The following GPR26 variants were observed in gnomAD, a reference collection of about 807,000 sequenced individuals.
The protein encoded by GPR26 is G protein-coupled receptor 26.
A neutral mutation model predicts 23.1 loss-of-function variants in GPR26; 15 were observed. The observed-to-expected ratio is 0.65, with a 90% CI of 0.43 to 1.00. The LOEUF is 1.00. Among genes scored for constraint, GPR26 ranks in the 50% least tolerant of loss-of-function variants. The pLI, the probability that GPR26 is intolerant of heterozygous loss-of-function variation, is 0.00. For missense variants in GPR26, 359 were observed against 470.5 expected (o/e 0.76, Z 2.19); for synonymous variants, 228 against 222.1 (o/e 1.03, Z -0.24).
intron 2 of GPR26, among the ~76,000 whole-genome samples, chr10:123,675,585 G>T (rs1316983627): frequency 6.6e-6 from 1 of 152,114 alleles, no homozygotes; most frequent in East Asian, 1.9e-4. Flanking sequence ...TCTAACTGGA[G>T]CACTCCCCAC....
chr10:123,681,916 C>T (rs932608014), intron 2 of GPR26, among the ~76,000 whole-genome samples: 1 of 152,142 alleles, frequency 6.6e-6, no homozygotes, highest in Non-Finnish European at 1.5e-5. Context: ...TGCTAGAATC[C>T]TGGTCTCACA....
rs1419158632 is a variant in GPR26 at position 123,696,554 on chromosome 10, T to G, written c.*8394T>G. Among the ~76,000 whole-genome samples, 3 of 152,172 alleles carry G rather than the reference T, an allele frequency of 2.0e-5. No homozygotes were observed. Among genetic ancestry groups the G allele is most frequent in the African/African-American group, 7.2e-5 (3 of 41,432 alleles). ...TTCAATATGGAAATGCACTTTATATTTATTTGCACACATCAAGAATACTTT... is the reference window on the plus strand; with the variant it reads ...TTCAATATGGAAATGCACTTTATATGTATTTGCACACATCAAGAATACTTT... On this transcript the variant is annotated 3_prime_UTR_variant, in exon 3 of 3. Coordinates refer to ENST00000284674, the MANE Select transcript of GPR26 (RefSeq NM_153442.4).
chr10:123,680,589 C>T (rs1409415464), intron 2 of GPR26, among the ~76,000 whole-genome samples: 1 of 152,216 alleles, frequency 6.6e-6, no homozygotes. Flanking sequence ...TTCTCAGCCT[C>T]CTCACTGTCC....
rs1031019157 is a variant in GPR26, at chr10:123,674,751, A to C, written c.669-67A>C. The C allele has an allele frequency of 2.9e-5, 29 of 1,000,670 alleles. No homozygotes were observed. The African/African-American group carries it at 4.3e-4, about 15-fold the overall frequency. The allele number at this position is 1,000,670 out of a possible 1,614,324, so 62.0% of individuals were successfully genotyped here. ...CTAGAGACTGCTGCCTGTGTTAGTA[A>C]ATAGTGCCTCATCCTGACCTAGCAA... On this transcript the variant is annotated intron_variant, in intron 1 of 2. Transcript: ENST00000284674. This position sits in a 1 kb window ranked among gnomAD's most constrained non-coding sequence, Gnocchi z 4.1.
At chr10:123,684,334 G>A (rs547798502) in intron 2 of GPR26, among the ~76,000 whole-genome samples, 83 of 152,250 alleles carry the variant, frequency 5.5e-4, no homozygotes, top group Non-Finnish European at 8.7e-4. Context: ...TGGCATACAC[G>A]TGCTCTAGGA....
In GPR26 at chr10:123,693,926, A is replaced by C. The variant is rs192153397; in HGVS notation, c.*5766A>C. On this transcript the variant is annotated 3_prime_UTR_variant, in exon 3 of 3. Transcript: ENST00000284674. ...ACGACATCACTGTGCAGAAGAAGAG[A>C]TCTGTCAGGGGTCCAGAGGAGCGGA... is the stretch of plus-strand genomic sequence containing the variant. 1 of 148,490 alleles carries C rather than the reference A, an allele frequency of 6.7e-6. No homozygotes were observed. The highest frequency in any genetic ancestry group is 6.7e-5 in the Admixed American group (1 of 14,916). The allele number at this position is 148,490 out of a possible 1,614,324, so 9.2% of individuals were successfully genotyped here.
intron 1 of GPR26, among the ~76,000 whole-genome samples, chr10:123,671,556 G>T (rs993619386): frequency 6.6e-6 from 1 of 152,166 alleles, no homozygotes; most frequent in Non-Finnish European, 1.5e-5. Flanking sequence ...ACACATGCTC[G>T]CACTCTGACT....
intron 2 of GPR26, among the ~76,000 whole-genome samples, chr10:123,686,444 C>G (rs1845430971): frequency 6.6e-6 from 1 of 152,176 alleles, no homozygotes. Context: ...CCACAGTCCC[C>G]CACAGGGTCA....
At position 123,674,164 on chromosome 10, in the gene GPR26, G is replaced by T. The variant is rs1219807; in HGVS notation, c.669-654G>T. On this transcript the variant is annotated intron_variant, in intron 1 of 2. Coordinates refer to ENST00000284674, the MANE Select transcript of GPR26 (RefSeq NM_153442.4). The surrounding 1 kb of genome is among the most constrained non-coding windows in gnomAD (Gnocchi z 4.1). Reference sequence around the variant, plus strand: ...GTACAGGCGAGGTTTCACCACGTTGGCCAGGCTGGTCTCAAACTCCCGACC... The same window carrying T: ...GTACAGGCGAGGTTTCACCACGTTGTCCAGGCTGGTCTCAAACTCCCGACC... Among the ~76,000 whole-genome samples the T allele has an allele frequency of 0.19, 28,209 of 152,006 alleles. 3,344 individuals carry two copies. The highest frequency in any genetic ancestry group is 0.58 in the East Asian group (2,976 of 5,138).
rs1235404607 is a variant in GPR26 at position 123,696,939 on chromosome 10, T to G, written c.*8779T>G. 6.6e-6 allele frequency among the ~76,000 whole-genome samples: 1 copy of G among 151,756 alleles called. No individual in the cohort carries two copies. Among genetic ancestry groups the G allele is most frequent in the Non-Finnish European group, 1.5e-5 (1 of 67,942 alleles). ...TGAGTATATGCATATGGGTATATGT[T>G]TGTGTGCCCGTGATTATATGCATAT... On this transcript the variant is annotated 3_prime_UTR_variant, in exon 3 of 3. Coordinates refer to ENST00000284674, the MANE Select transcript of GPR26 (RefSeq NM_153442.4).
At chr10:123,673,019 C>A (rs1430787254) in intron 1 of GPR26, among the ~76,000 whole-genome samples, 1 of 152,142 alleles carries the variant, frequency 6.6e-6, no homozygotes, top group African/African-American at 2.4e-5. Flanking sequence ...TCTAGCATGG[C>A]ACACATATTA....
Position 123,689,541 on chromosome 10 carries a change from CTAAG to C in GPR26, c.*1383_*1386del, listed in dbSNP as rs1320048638. On this transcript the variant is annotated 3_prime_UTR_variant, in exon 3 of 3. Coordinates refer to ENST00000284674, the MANE Select transcript of GPR26 (RefSeq NM_153442.4). Reference sequence around the variant, plus strand: ...AGCAGTTATTTTTCAATCCTCCACTCTAAGTGATTCCTCCAGGGTGGGAAGCACG... The same window carrying C: ...AGCAGTTATTTTTCAATCCTCCACTCTGATTCCTCCAGGGTGGGAAGCACG... 1 of 152,208 alleles carries C rather than the reference CTAAG, an allele frequency of 6.6e-6. No homozygotes were observed. Among genetic ancestry groups the C allele is most frequent in the Admixed American group, 6.5e-5 (1 of 15,276 alleles). 9.4% of individuals were successfully genotyped at this position (152,208 alleles called of 1,614,324 possible). A position where few individuals can be genotyped will look rare whatever the true frequency, so the allele number is the denominator to read the frequency against.
chr10:123,687,190 A>G (rs1475836414), intron 2 of GPR26, among the ~76,000 whole-genome samples: 1 of 151,938 alleles, frequency 6.6e-6, no homozygotes, highest in East Asian at 1.9e-4. Context: ...GACCGCGGCT[A>G]TTGTCAAAGA....
intron 2 of GPR26, among the ~76,000 whole-genome samples, chr10:123,675,857 A>AGTGTGTGTGTGT (rs1564731138): frequency 1.3e-3 from 61 of 45,640 alleles, no homozygotes; most frequent in African/African-American, 3.9e-3. Flanking sequence ...TGTGTGTGTA[A>AGTGTGTGTGTGT]GAGAGAGAGA....
At chr10:123,669,214 C>T (rs1404338817) in intron 1 of GPR26, among the ~76,000 whole-genome samples, 3 of 152,236 alleles carry the variant, frequency 2.0e-5, no homozygotes, top group Non-Finnish European at 4.4e-5. Flanking sequence ...TGGACTAATG[C>T]TCCCTGAGGT....
chr10:123,669,340 C>T (rs753550784), intron 1 of GPR26, among the ~76,000 whole-genome samples: 3 of 152,210 alleles, frequency 2.0e-5, no homozygotes, highest in Non-Finnish European at 4.4e-5. Context: ...AGGGGATGAC[C>T]AGTCCTCAAG....
Position 123,674,839 on chromosome 10 carries a change from G to T in GPR26, c.690G>T (p.Glu230Asp). Residue 230 changes from glutamate to aspartate, a missense_variant, in exon 2 of 3, where the codon GAG becomes GAT. Coordinates refer to ENST00000284674, the MANE Select transcript of GPR26 (RefSeq NM_153442.4). This position sits in a 1 kb window ranked among gnomAD's most constrained non-coding sequence, Gnocchi z 4.1. ...LHPSVRERCLEEQKRRRQRAT... is the reference protein window; with the variant it reads ...LHPSVRERCLDEQKRRRQRAT... Reference sequence around the variant, plus strand: ...GCAGTGTGCGGGAACGCTGTCTGGAGGAGCAGAAGCGGAGGCGACAGCGAG... The same window carrying T: ...GCAGTGTGCGGGAACGCTGTCTGGATGAGCAGAAGCGGAGGCGACAGCGAG... The T allele has an allele frequency of 6.2e-7, 1 of 1,613,346 alleles. No individual in the cohort carries two copies. Among genetic ancestry groups the T allele is most frequent in the Non-Finnish European group, 8.5e-7 (1 of 1,179,634 alleles).
At position 123,680,820 on chromosome 10, in the gene GPR26, G is replaced by C. The variant is rs200758643; in HGVS notation, c.782+5889G>C. Reference sequence around the variant, plus strand: ...TCTTGGGTTTTTTTTGTTTTGTTTTGTTTTTTTGGGGGGGGGGGTTGTTTT... The same window carrying C: ...TCTTGGGTTTTTTTTGTTTTGTTTTCTTTTTTTGGGGGGGGGGGTTGTTTT... On this transcript the variant is annotated intron_variant, in intron 2 of 2. Coordinates refer to ENST00000284674, the MANE Select transcript of GPR26 (RefSeq NM_153442.4). Among the ~76,000 whole-genome samples the C allele has an allele frequency of 2.9e-3, 96 of 33,396 alleles. 1 individual carries two copies. The highest frequency in any genetic ancestry group is 0.01 in the Admixed American group (26 of 2,520). 21.9% of individuals were successfully genotyped at this position (33,396 alleles called of 152,430 possible). A position where few individuals can be genotyped will look rare whatever the true frequency, so the allele number is the denominator to read the frequency against.
At position 123,666,530 on chromosome 10, in the gene GPR26, G is replaced by T; in HGVS notation, c.123G>T (p.Pro41=). The T allele has an allele frequency of 6.3e-7, 1 of 1,587,572 alleles. No individual in the cohort carries two copies. Residue 41 remains proline, a synonymous_variant, in exon 1 of 3, where the codon CCG becomes CCT. Transcript: ENST00000284674. ...LHSADIRRQA[P]ALFTLNLTCG... ...GCGCGGACATCCGCCGCCAGGCGCC[G>T]GCGCTCTTCACCCTGAACCTCACGT...
Sources: gnomAD v4.1 joint callset for allele counts (sites outside exome capture counted in the v4.1 genomes callset) on GRCh38, gnomAD v4.1.1 for gene constraint, Gnocchi (gnomAD v3.1) non-coding constraint, MANE v1.5 for transcripts, NCBI Gene and HGNC (gene_info 2026-07-23, HGNC 2026-07-21) for gene names.